The following MAST4 variants were observed in gnomAD, a reference collection of about 807,000 sequenced individuals.
MAST4 encodes microtubule associated serine/threonine kinase family member 4, also known as microtubule-associated serine/threonine-protein kinase 4.
Under a neutral mutation model 162.7 loss-of-function variants are expected in MAST4, and 89 were observed. The ratio of observed to expected loss-of-function variants is 0.55; its 90% CI spans 0.46 to 0.65. MAST4 has a LOEUF of 0.65. Among genes scored for constraint, MAST4 ranks in the 30% least tolerant of loss-of-function variants. The pLI is 0.00. For synonymous variants in MAST4, 1,479 were observed against 1,361.1 expected, an observed-to-expected ratio of 1.09 and a Z score of -1.91; for missense variants, 3,153 against 3,374.0, an observed-to-expected ratio of 0.93 and a Z score of 1.62.
intron 1 of MAST4, among the ~76,000 whole-genome samples, chr5:66,710,487 T>C (rs1464928380): frequency 6.6e-6 from 1 of 152,222 alleles, no homozygotes; most frequent in African/African-American, 2.4e-5. Context: ...GATGTGGGTC[T>C]ATAGACGCAC....
intron 4 of MAST4, among the ~76,000 whole-genome samples, chr5:66,910,088 A>G (rs1014858342): frequency 6.6e-6 from 1 of 152,210 alleles, no homozygotes; most frequent in African/African-American, 2.4e-5. Context: ...TTATAAAAAA[A>G]TGTGAGCATC....
chr5:66,863,596 A>G (rs79715355), intron 3 of MAST4, among the ~76,000 whole-genome samples: 17,719 of 150,360 alleles, frequency 0.12, 1,372 homozygotes, highest in Non-Finnish European at 0.16. Flanking sequence ...TTCCCTCTGC[A>G]CCCTTTCTTC....
chr5:66,982,008 C>T (rs72763027), intron 4 of MAST4, among the ~76,000 whole-genome samples: 3,951 of 152,188 alleles, frequency 0.026, 90 homozygotes, highest in Non-Finnish European at 0.037. Context: ...GATTTGAGGC[C>T]TCAATTTTGT....
intron 1 of MAST4, among the ~76,000 whole-genome samples, chr5:66,722,076 A>G (rs1004349645): frequency 3.3e-5 from 5 of 151,830 alleles, no homozygotes; most frequent in Non-Finnish European, 7.4e-5. Flanking sequence ...CCCCACCCCC[A>G]TGGTGTATGC....
chr5:66,977,910 C>G (rs186379919), intron 4 of MAST4, among the ~76,000 whole-genome samples: 114 of 152,308 alleles, frequency 7.5e-4, no homozygotes, highest in African/African-American at 2.7e-3. Context: ...GAACCTAGAA[C>G]CCAGTGATCA....
rs113432423 is a variant in MAST4 at position 66,935,674 on chromosome 5, CT to C, written c.674+35705del. Among the ~76,000 whole-genome samples, 1,180 of 132,410 alleles carry C rather than the reference CT, an allele frequency of 8.9e-3. 9 individuals are homozygous for C. The highest frequency in any genetic ancestry group is 0.024 in the African/African-American group (910 of 38,446). 86.9% of individuals were successfully genotyped at this position (132,410 alleles called of 152,430 possible). A position where few individuals can be genotyped will look rare whatever the true frequency, so the allele number is the denominator to read the frequency against. On this transcript the variant is annotated intron_variant, in intron 4 of 28. Coordinates refer to ENST00000403625, the MANE Select transcript of MAST4 (RefSeq NM_001164664.2). Reference sequence around the variant, plus strand: ...GACTTTTTTCTTTCTTTCTTTCTTTCTTTTTTTTTTTTTGAGACAGTCTCGC... The same window carrying C: ...GACTTTTTTCTTTCTTTCTTTCTTTCTTTTTTTTTTTTGAGACAGTCTCGC...
chr5:66,688,673 G>A (rs1011649976), intron 1 of MAST4, among the ~76,000 whole-genome samples: 1 of 152,130 alleles, frequency 6.6e-6, no homozygotes. Context: ...AAGACAGAGG[G>A]AAGTATAATT....
intron 1 of MAST4, among the ~76,000 whole-genome samples, chr5:66,741,364 A>G (rs749321329): frequency 2.6e-5 from 4 of 152,232 alleles, no homozygotes; most frequent in Non-Finnish European, 5.9e-5. Context: ...CACTTGGCAC[A>G]TAGTAGATGC....
intron 1 of MAST4, among the ~76,000 whole-genome samples, chr5:66,615,373 A>G (rs1010010181): frequency 2.0e-5 from 3 of 152,150 alleles, no homozygotes; most frequent in Admixed American, 6.5e-5. Flanking sequence ...AAGTACAGAT[A>G]TGCTGATTTT....
chr5:66,793,302 C>A (rs1291047816), intron 3 of MAST4, among the ~76,000 whole-genome samples: 3 of 152,312 alleles, frequency 2.0e-5, no homozygotes, highest in Non-Finnish European at 4.4e-5. Context: ...CCAGTGTCCG[C>A]CTGCTGGGAC....
chr5:66,993,565 A>T (rs1210884990), intron 4 of MAST4, among the ~76,000 whole-genome samples: 1 of 152,192 alleles, frequency 6.6e-6, no homozygotes, highest in Non-Finnish European at 1.5e-5. Context: ...TTTGCTGGAG[A>T]GGTGACCTTA....
At chr5:66,684,677 G>A (rs1301713609) in intron 1 of MAST4, among the ~76,000 whole-genome samples, 1 of 152,196 alleles carries the variant, frequency 6.6e-6, no homozygotes, top group African/African-American at 2.4e-5. Flanking sequence ...CCCTTGCTTT[G>A]TGGGCTATAA....
intron 3 of MAST4, among the ~76,000 whole-genome samples, chr5:66,892,964 T>A (rs1442395353): frequency 2.0e-5 from 3 of 152,216 alleles, no homozygotes; most frequent in African/African-American, 7.2e-5. Flanking sequence ...GACAGTCATA[T>A]CATGACTCGG....
intron 1 of MAST4, among the ~76,000 whole-genome samples, chr5:66,666,005 A>G (rs969422540): frequency 9.8e-5 from 15 of 152,314 alleles, no homozygotes; most frequent in African/African-American, 3.1e-4. Context: ...TTTCAAAAAT[A>G]CCAGTACATG....
chr5:66,773,625 G>A (rs1754456568), intron 2 of MAST4, among the ~76,000 whole-genome samples: 2 of 152,118 alleles, frequency 1.3e-5, no homozygotes. Flanking sequence ...GGCTATCCTA[G>A]GGCTGCTCCC....
chr5:66,968,975 G>C (rs371163648), intron 4 of MAST4, among the ~76,000 whole-genome samples: 2 of 152,186 alleles, frequency 1.3e-5, no homozygotes, highest in African/African-American at 4.8e-5. Context: ...AAGTTCTGGA[G>C]GGCAAGACCT....
chr5:67,033,315 C>CTGTGTGTGTGTGTGTG lies in MAST4; in HGVS notation c.675-21074_675-21059dup, dbSNP rs146627241. On this transcript the variant is annotated intron_variant, in intron 4 of 28. Coordinates refer to ENST00000403625, the MANE Select transcript of MAST4 (RefSeq NM_001164664.2). ...ATTACTTTTTTGGGTTTTCATTTCTCTGTGTGTGTGTGTGTGTGTGTGTGT... is the reference window on the plus strand; with the variant it reads ...ATTACTTTTTTGGGTTTTCATTTCTCTGTGTGTGTGTGTGTGTGTGTGTGTGTGTGTGTGTGTGTGT... Among the ~76,000 whole-genome samples the CTGTGTGTGTGTGTGTG allele has an allele frequency of 3.9e-3, 491 of 125,976 alleles. 6 individuals are homozygous for CTGTGTGTGTGTGTGTG. Among genetic ancestry groups the CTGTGTGTGTGTGTGTG allele is most frequent in the African/African-American group, 9.6e-3 (311 of 32,280 alleles). The allele number at this position is 125,976 out of a possible 152,430, so 82.6% of individuals were successfully genotyped here.
Position 66,719,302 on chromosome 5 carries a change from G to T in MAST4, c.364-40407G>T, listed in dbSNP as rs573226082. 1.4e-4 allele frequency among the ~76,000 whole-genome samples: 22 copies of T among 152,058 alleles called. No homozygotes were observed. In the East Asian group the frequency reaches 3.7e-3, roughly 25 times the overall value. ...TCTTTTTTGGAGGAAATATAAACTAGTTTTTTTTCCCTTACGAATCTTCTT... is the reference window on the plus strand; with the variant it reads ...TCTTTTTTGGAGGAAATATAAACTATTTTTTTTTCCCTTACGAATCTTCTT... On this transcript the variant is annotated intron_variant, in intron 1 of 28. Coordinates refer to ENST00000403625, the MANE Select transcript of MAST4 (RefSeq NM_001164664.2).
intron 23 of MAST4, among the ~76,000 whole-genome samples, chr5:67,147,573 T>C (rs1321243851): frequency 6.6e-6 from 1 of 152,224 alleles, no homozygotes; most frequent in Non-Finnish European, 1.5e-5. Flanking sequence ...CTTGAAGTCT[T>C]AGATGTAGGG....
Sources: gnomAD v4.1 joint callset for allele counts (sites outside exome capture counted in the v4.1 genomes callset) on GRCh38, gnomAD v4.1.1 for gene constraint, MANE v1.5 for transcripts, NCBI Gene and HGNC (gene_info 2026-07-23, HGNC 2026-07-21) for gene names.